The following TMEM204 variants were observed in gnomAD, a reference collection of about 807,000 sequenced individuals.
TMEM204 encodes transmembrane protein 204.
In TMEM204, 15 loss-of-function variants were observed where a neutral mutation model predicts 19.4. The observed-to-expected ratio is 0.77, with a 90% CI of 0.52 to 1.19. The LOEUF (loss-of-function observed/expected upper bound fraction) is 1.19, where lower values mean the gene tolerates loss of function less well. Ranked by LOEUF, TMEM204 falls within the 50% of genes most tolerant of loss-of-function variation. The probability of loss-of-function intolerance (pLI) is 0.00; values close to 1 mark genes in which losing one functional copy is unlikely to be tolerated. For missense variants in TMEM204, 287 were observed against 321.2 expected (o/e 0.89, Z 0.81); for synonymous variants, 161 against 146.0 (o/e 1.10, Z -0.74).
intron 2 of TMEM204, among the ~76,000 whole-genome samples, chr16:1,545,743 T>A (rs1040355519): frequency 2.0e-5 from 3 of 152,090 alleles, no homozygotes; most frequent in Non-Finnish European, 4.4e-5. Flanking sequence ...AAAGCCAGAG[T>A]GCAGCACACT....
intron 2 of TMEM204, among the ~76,000 whole-genome samples, chr16:1,543,748 G>C (rs1470081328): frequency 6.6e-6 from 1 of 152,202 alleles, no homozygotes; most frequent in African/African-American, 2.4e-5. Flanking sequence ...GAGGTACCCA[G>C]GCTAGGAAAG....
At chr16:1,552,875 G>C (rs2032779587) in intron 2 of TMEM204, 1 of 682,536 alleles carries the variant, frequency 1.5e-6, no homozygotes, top group Non-Finnish European at 1.8e-6. Flanking sequence ...GGCTGGTCTT[G>C]AACTCGTGAC....
intron 1 of TMEM204, chr16:1,541,660 C>T (rs1023229656): frequency 2.8e-5 from 9 of 324,622 alleles, no homozygotes; most frequent in Non-Finnish European, 3.5e-5. Flanking sequence ...GAGTAGGGCC[C>T]GTCCCTGCAG....
chr16:1,544,013 A>G (rs958289916), intron 2 of TMEM204, among the ~76,000 whole-genome samples: 2 of 151,560 alleles, frequency 1.3e-5, no homozygotes, highest in Non-Finnish European at 2.9e-5. Flanking sequence ...ATGGATCACT[A>G]CATTTCTTTT....
At chr16:1,548,544 A>C (rs1343114890) in intron 2 of TMEM204, among the ~76,000 whole-genome samples, 1 of 152,236 alleles carries the variant, frequency 6.6e-6, no homozygotes, top group African/African-American at 2.4e-5. Flanking sequence ...CTCTTCCCTT[A>C]CATTTGTTTC....
intron 2 of TMEM204, among the ~76,000 whole-genome samples, chr16:1,544,773 C>G (rs868185203): frequency 6.6e-6 from 1 of 151,456 alleles, no homozygotes; most frequent in Non-Finnish European, 1.5e-5. Flanking sequence ...CTCAGCCTCC[C>G]GAGTAGCTGG....
At chr16:1,529,815 A>G (rs1355886355), upstream of TMEM204, among the ~76,000 whole-genome samples, 1 of 152,330 alleles carries the variant, frequency 6.6e-6, no homozygotes, top group Non-Finnish European at 1.5e-5. Context: ...ACACGCCTCA[A>G]GACTGGGGGT....
chr16:1,554,930 G>A lies in TMEM204; in HGVS notation c.585G>A (p.Glu195=). 1 of 1,614,210 alleles carries A rather than the reference G, an allele frequency of 6.2e-7. No homozygotes were observed. Among genetic ancestry groups the A allele is most frequent in the Non-Finnish European group, 8.5e-7 (1 of 1,180,052 alleles). Residue 195 remains glutamate, a synonymous_variant, in exon 3 of 3, where the codon GAG becomes GAA. Coordinates refer to ENST00000566264, the MANE Select transcript of TMEM204 (RefSeq NM_024600.6). ...MLIWNILHKR[E]DCMAPRVIVI... ...TCTGGAACATTCTCCACAAGAGGGAGGACTGCATGGCCCCCCGGGTGATTG... is the reference window on the plus strand; with the variant it reads ...TCTGGAACATTCTCCACAAGAGGGAAGACTGCATGGCCCCCCGGGTGATTG...
At chr16:1,542,112 G>GC (rs990365426) in intron 2 of TMEM204, 36 bp downstream of exon 2, 1 of 1,532,900 alleles carries the variant, frequency 6.5e-7, no homozygotes, top group Non-Finnish European at 8.8e-7. Flanking sequence ...CCGCGCCCTT[G>GC]CCCCCTGTGG....
chr16:1,536,102 A>G (rs1217169743), intron 1 of TMEM204, among the ~76,000 whole-genome samples: 4 of 152,114 alleles, frequency 2.6e-5, no homozygotes, highest in Non-Finnish European at 5.9e-5. Context: ...CCCCCGGGGG[A>G]GGGAGTTCCC....
In TMEM204 at chr16:1,534,502, T is replaced by C. The variant is rs1464265457; in HGVS notation, c.227T>C (p.Leu76Pro). The change falls in exon 1 of 3, where the codon CTG becomes CCG. Residue 76 changes from leucine to proline, a missense_variant. Transcript: ENST00000566264. ...GTGGACGCACATGACTGTGAGGCGC[T>C]GGGCTGGGGCTCCGAGGCAGCCGGC... is the stretch of plus-strand genomic sequence containing the variant. ...GQVDAHDCEA[L>P]GWGSEAAGFQ... is the part of the protein sequence containing the mutation. The C allele has an allele frequency of 1.8e-5, 29 of 1,608,872 alleles. No individual in the cohort carries two copies. The highest frequency in any genetic ancestry group is 2.3e-5 in the Non-Finnish European group (27 of 1,179,868).
intron 2 of TMEM204, 48 bp downstream of exon 2, chr16:1,542,124 C>T: frequency 6.6e-7 from 1 of 1,513,774 alleles, no homozygotes; most frequent in South Asian, 1.3e-5. Context: ...CCCCTGTGGC[C>T]TTCTGGTGCC....
At chr16:1,550,649 C>A (rs750808815) in intron 2 of TMEM204, among the ~76,000 whole-genome samples, 1 of 152,162 alleles carries the variant, frequency 6.6e-6, no homozygotes, top group Non-Finnish European at 1.5e-5. Flanking sequence ...TCTGCCTACC[C>A]GCTCTGTGCT....
At position 1,553,833 on chromosome 16, in the gene TMEM204, G is replaced by T; in HGVS notation, c.437-949G>T. The T allele has an allele frequency of 8.3e-7, 1 of 1,209,754 alleles. No homozygotes were observed. Among genetic ancestry groups the T allele is most frequent in the Non-Finnish European group, 1.1e-6 (1 of 950,652 alleles). The allele number at this position is 1,209,754 out of a possible 1,614,324, so 74.9% of individuals were successfully genotyped here. A position where few individuals can be genotyped will look rare whatever the true frequency, so the allele number is the denominator to read the frequency against. On this transcript the variant is annotated intron_variant, in intron 2 of 2. Coordinates refer to ENST00000566264, the MANE Select transcript of TMEM204 (RefSeq NM_024600.6). This position sits in a 1 kb window ranked among gnomAD's most constrained non-coding sequence, Gnocchi z 4.4. ...CTGGATTAGGACGCCCGGCTCCATC[G>T]CTGCGGCCACAGTGTCCTGTTATCC...
chr16:1,550,312 G>C (rs1259758522), intron 2 of TMEM204, among the ~76,000 whole-genome samples: 1 of 152,180 alleles, frequency 6.6e-6, no homozygotes, highest in South Asian at 2.1e-4. Context: ...TCGTGTTTAT[G>C]GCAAGCAACA....
At chr16:1,550,033 G>A (rs1186084992) in intron 2 of TMEM204, among the ~76,000 whole-genome samples, 1 of 151,984 alleles carries the variant, frequency 6.6e-6, no homozygotes, top group Non-Finnish European at 1.5e-5. Context: ...ACGGCTTACT[G>A]CAGACTCGAC....
chr16:1,543,048 T>A (rs2031799200), intron 2 of TMEM204, among the ~76,000 whole-genome samples: 1 of 152,242 alleles, frequency 6.6e-6, no homozygotes, highest in Admixed American at 6.5e-5. Context: ...CTGAGAGGTT[T>A]GAAGACTGTG....
rs2032812286 is a variant in TMEM204 at position 1,553,183 on chromosome 16, T to A, written c.437-1599T>A. 1.0e-6 allele frequency: 1 copy of A among 985,068 alleles called. No individual in the cohort carries two copies. The highest frequency in any genetic ancestry group is 1.7e-5 in the African/African-American group (1 of 57,224). The allele number at this position is 985,068 out of a possible 1,614,324, so 61.0% of individuals were successfully genotyped here. On this transcript the variant is annotated intron_variant, in intron 2 of 2. Transcript: ENST00000566264. The surrounding 1 kb of genome is among the most constrained non-coding windows in gnomAD (Gnocchi z 4.4). ...CTGGTTACCCATCTCTTGCTCTCTG[T>A]CTCTCCTTCCCTGTGTCTCTGTCTC...
chr16:1,541,294 G>A, intron 1 of TMEM204: 1 of 985,362 alleles, frequency 1.0e-6, no homozygotes, highest in South Asian at 4.7e-5. Context: ...GGGGCAGGTG[G>A]GGGGCACTGG....
Sources: allele counts gnomAD v4.1 joint callset (sites outside exome capture counted in the v4.1 genomes callset), GRCh38; gene constraint gnomAD v4.1.1; non-coding constraint Gnocchi (gnomAD v3.1); transcripts MANE v1.5; gene names NCBI Gene and HGNC (gene_info 2026-07-23, HGNC 2026-07-21).